ANO3: variants seen among roughly 807,000 people sequenced by gnomAD.
ANO3 encodes anoctamin 3.
In ANO3, 99 loss-of-function variants were observed where a neutral mutation model predicts 144.8. That is an observed-to-expected ratio of 0.68 (90% CI 0.58 to 0.81). The LOEUF is 0.81. Among genes scored for constraint, ANO3 ranks in the 30% least tolerant of loss-of-function variants. The pLI is 0.00. For missense variants in ANO3, 905 were observed against 1,202.2 expected (o/e 0.75, Z 3.66); for synonymous variants, 414 against 392.6 (o/e 1.05, Z -0.64).
At chr11:26,250,404 C>G (rs1364248287) in intron 1 of ANO3, among the ~76,000 whole-genome samples, 1 of 152,176 alleles carries the variant, frequency 6.6e-6, no homozygotes, top group Non-Finnish European at 1.5e-5. Flanking sequence ...CCACAACAGT[C>G]TCTGGCATCC....
At position 26,656,392 on chromosome 11, in the gene ANO3, G is replaced by A; in HGVS notation, c.2674G>A (p.Gly892Ser). Reference sequence around the variant, plus strand: ...GGATTTCAGGTACAGAGACTACAGAGGCCCGCCCTGGAGTTCCAAACCCTA... The same window carrying A: ...GGATTTCAGGTACAGAGACTACAGAAGCCCGCCCTGGAGTTCCAAACCCTA... Reference protein sequence around the residue: ...SGYCRYRDYRGPPWSSKPYEF... With the variant: ...SGYCRYRDYRSPPWSSKPYEF... The change falls in exon 26 of 27, where the codon GGC (glycine) becomes AGC (serine). Residue 892 changes from glycine (G) to serine (S), a missense_variant. Physicochemically the swap from Gly to Ser is moderately conservative, Grantham distance 56 (BLOSUM62 0). Around this residue, in one of 4 missense-constraint regions of ANO3, gnomAD observed 597 missense variants for 865.1 expected, o/e 0.69. Transcript: ENST00000256737. 1 of 1,605,290 alleles carries A rather than the reference G, an allele frequency of 6.2e-7. No individual in the cohort carries two copies. Among genetic ancestry groups the A allele is most frequent in the Non-Finnish European group, 8.5e-7 (1 of 1,172,124 alleles).
chr11:26,436,476 G>A (rs932627963), intron 1 of ANO3, among the ~76,000 whole-genome samples: 1 of 152,166 alleles, frequency 6.6e-6, no homozygotes, highest in Non-Finnish European at 1.5e-5. Context: ...TCCAGTACCT[G>A]AAGGTATCAA....
At chr11:26,358,625 A>C (rs1463261929) in intron 1 of ANO3, among the ~76,000 whole-genome samples, 1 of 152,010 alleles carries the variant, frequency 6.6e-6, no homozygotes, top group Non-Finnish European at 1.5e-5. Context: ...GGAGTTTCTT[A>C]GCCTTCTTAA....
chr11:26,563,361 C>A, intron 14 of ANO3: 4 of 1,229,324 alleles, frequency 3.3e-6, no homozygotes, highest in Admixed American at 2.8e-5. Context: ...GAATGTTTAA[C>A]ATTTTAAAAT....
At chr11:26,444,501 A>G (rs550515747) in intron 3 of ANO3, among the ~76,000 whole-genome samples, 26 of 152,348 alleles carry the variant, frequency 1.7e-4, no homozygotes, top group Non-Finnish European at 2.9e-4. Context: ...TAGTAGATAC[A>G]TCGGTGGCCA....
Position 26,359,758 on chromosome 11 carries a change from C to G in ANO3, c.46+27437C>G, listed in dbSNP as rs137866349. Among the ~76,000 whole-genome samples the G allele has an allele frequency of 4.6e-4, 70 of 152,204 alleles. No individual in the cohort carries two copies. In the East Asian group the frequency reaches 0.013, roughly 29 times the overall value. On this transcript the variant is annotated intron_variant, in intron 1 of 26. Coordinates refer to ENST00000256737, the MANE Select transcript of ANO3 (RefSeq NM_031418.4). ...ATGGCCTCATTTGTTACCCATCTCT[C>G]ACAGATTATTATCTGTTAGCGGCTA...
chr11:26,360,094 A>G (rs1855884688), intron 1 of ANO3, among the ~76,000 whole-genome samples: 1 of 151,430 alleles, frequency 6.6e-6, no homozygotes, highest in African/African-American at 2.4e-5. Flanking sequence ...AAAATCTTCT[A>G]GTGTTTTTTA....
chr11:26,278,316 G>A (rs1853602671), intron 1 of ANO3, among the ~76,000 whole-genome samples: 1 of 152,120 alleles, frequency 6.6e-6, no homozygotes, highest in Non-Finnish European at 1.5e-5. Context: ...TGAAAATTGT[G>A]AGGAATGGGA....
chr11:26,421,961 G>A (rs185167253), intron 1 of ANO3, among the ~76,000 whole-genome samples: 6 of 152,082 alleles, frequency 3.9e-5, no homozygotes, highest in East Asian at 3.9e-4. Context: ...GTGGAGGGTC[G>A]GAGGAGGGAA....
intron 1 of ANO3, among the ~76,000 whole-genome samples, chr11:26,248,635 T>C (rs182105042): frequency 1.3e-5 from 2 of 152,246 alleles, no homozygotes; most frequent in African/African-American, 4.8e-5. Context: ...GGATTATGTA[T>C]GCAGATGTTT....
At position 26,445,747 on chromosome 11, in the gene ANO3, C is replaced by A. The variant is rs1858678142; in HGVS notation, c.313+1911C>A. Among the ~76,000 whole-genome samples, 3 of 152,176 alleles carry A rather than the reference C, an allele frequency of 2.0e-5. No homozygotes were observed. The South Asian group carries it at 6.2e-4, about 32-fold the overall frequency. ...TAGTATCACTAAGCATTTCAGGAAT[C>A]CAACTGGATGTAACACCTGGCTGGG... On this transcript the variant is annotated intron_variant, in intron 3 of 26. Transcript: ENST00000256737.
At chr11:26,459,684 A>G (rs1859309541) in intron 3 of ANO3, among the ~76,000 whole-genome samples, 1 of 152,024 alleles carries the variant, frequency 6.6e-6, no homozygotes, top group African/African-American at 2.4e-5. Context: ...AAAAAGACAA[A>G]TAAGTAAAAA....
chr11:26,586,068 T>A (rs141788074), intron 14 of ANO3, among the ~76,000 whole-genome samples: 2 of 152,216 alleles, frequency 1.3e-5, no homozygotes, highest in Non-Finnish European at 2.9e-5. Context: ...TTGACTGCTC[T>A]TCTACCTCTT....
At chr11:26,646,885 G>A (rs1853361668) in intron 23 of ANO3, among the ~76,000 whole-genome samples, 1 of 151,740 alleles carries the variant, frequency 6.6e-6, no homozygotes, top group South Asian at 2.1e-4. Context: ...TCGGTTTCTT[G>A]TCTTATGATC....
intron 7 of ANO3, among the ~76,000 whole-genome samples, chr11:26,530,472 T>C (rs1565083869): frequency 1.4e-5 from 1 of 70,364 alleles, no homozygotes; most frequent in East Asian, 6.0e-4. Flanking sequence ...TATCTATCTA[T>C]CTATCTATCT....
intron 24 of ANO3, among the ~76,000 whole-genome samples, chr11:26,649,008 A>G (rs912523122): frequency 2.0e-5 from 3 of 152,226 alleles, no homozygotes; most frequent in Non-Finnish European, 4.4e-5. Context: ...TCCTTTATGT[A>G]TTGCATATCG....
chr11:26,371,083 C>T (rs752559254), intron 1 of ANO3, among the ~76,000 whole-genome samples: 14 of 152,176 alleles, frequency 9.2e-5, no homozygotes, highest in Non-Finnish European at 1.9e-4. Flanking sequence ...CCTCCCATCG[C>T]AGGCCTGGAG....
At chr11:26,199,677 G>A (rs1851655131) in intron 1 of ANO3, among the ~76,000 whole-genome samples, 1 of 152,148 alleles carries the variant, frequency 6.6e-6, no homozygotes, top group Admixed American at 6.5e-5. Flanking sequence ...AGGGGCAAAT[G>A]CCCATGGATT....
intron 1 of ANO3, among the ~76,000 whole-genome samples, chr11:26,371,218 A>T (rs1490765797): frequency 1.3e-5 from 2 of 152,224 alleles, no homozygotes; most frequent in Non-Finnish European, 2.9e-5. Context: ...GGGCCAAGGT[A>T]CATCTTGAGC....
Sources: allele counts gnomAD v4.1 joint callset (sites outside exome capture counted in the v4.1 genomes callset), GRCh38; gene constraint gnomAD v4.1.1; regional missense constraint gnomAD v4.1.1; transcripts MANE v1.5; gene names NCBI Gene and HGNC (gene_info 2026-07-23, HGNC 2026-07-21).